The following TRAPPC8 variants were observed in gnomAD, a reference collection of about 807,000 sequenced individuals.
The protein encoded by TRAPPC8 is general sporulation gene 1 homolog.
In TRAPPC8, 54 loss-of-function variants were observed where a neutral mutation model predicts 174.3. The observed-to-expected ratio is 0.31, with a 90% CI of 0.25 to 0.39. TRAPPC8 has a LOEUF of 0.39. TRAPPC8 is among the 10% of genes least tolerant of loss of function. The pLI is 1.00. For missense variants in TRAPPC8, 1,531 were observed against 1,699.1 expected, an observed-to-expected ratio of 0.90 and a Z score of 1.74; for synonymous variants, 630 against 579.9, an observed-to-expected ratio of 1.09 and a Z score of -1.24.
chr18:31,909,906 A>C (rs1445356350), intron 5 of TRAPPC8, 146 bp from the exon 6 acceptor site: 1 of 531,932 alleles, frequency 1.9e-6, no homozygotes, highest in Non-Finnish European at 3.2e-6. Context: ...CTCCAAATTC[A>C]TAACTTCTTC....
intron 3 of TRAPPC8, 39 bp downstream of exon 3, chr18:31,917,539 A>G (rs775714956): frequency 3.2e-6 from 5 of 1,549,570 alleles, no homozygotes; most frequent in Non-Finnish European, 4.4e-6. Flanking sequence ...TAACTTCCAT[A>G]ATATTTGATT....
chr18:31,899,609 A>C (rs2036327660), intron 10 of TRAPPC8, among the ~76,000 whole-genome samples: 1 of 152,140 alleles, frequency 6.6e-6, no homozygotes, highest in Non-Finnish European at 1.5e-5. Flanking sequence ...ATATTCGGTA[A>C]TTTTCCATTT....
At chr18:31,895,744 C>A (rs987280462) in intron 11 of TRAPPC8, 3 of 152,176 alleles carry the variant, frequency 2.0e-5, no homozygotes, top group African/African-American at 7.2e-5. Context: ...ACATTCAAAT[C>A]CAAGTTAAGA....
intron 2 of TRAPPC8, 130 bp downstream of exon 2, chr18:31,931,199 C>T: frequency 1.3e-6 from 1 of 757,760 alleles, no homozygotes; most frequent in Non-Finnish European, 1.9e-6. Context: ...CTGTTTTCAA[C>T]ATTGTATTCT....
At position 31,857,938 on chromosome 18, in the gene TRAPPC8, G is replaced by C. The variant is rs1202936970; in HGVS notation, c.2790C>G (p.Ile930Met). The C allele has an allele frequency of 3.1e-6, 5 of 1,613,856 alleles. No homozygotes were observed. The highest frequency in any genetic ancestry group is 4.2e-6 in the Non-Finnish European group (5 of 1,179,868). The stretch of plus-strand genomic sequence containing the variant: ...TGACAAATTCTACATATGCTTTTCG[G>C]ATTTCTCCACAGAGAAGCCCTGTAG... ...HFPTGLLCGE[I>M]RKAYVEFVNV... The change falls in exon 20 of 29, where the codon ATC becomes ATG. Residue 930 changes from isoleucine to methionine, a missense_variant. Transcript: ENST00000283351.
chr18:31,903,102 T>C (rs989641130), intron 9 of TRAPPC8, among the ~76,000 whole-genome samples: 1 of 101,748 alleles, frequency 9.8e-6, no homozygotes, highest in East Asian at 2.8e-4. Context: ...TGCTTTTTGA[T>C]TGCGCGCGTG....
intron 11 of TRAPPC8, among the ~76,000 whole-genome samples, chr18:31,894,414 C>T (rs764801041): frequency 5.9e-5 from 9 of 152,038 alleles, no homozygotes; most frequent in Non-Finnish European, 1.2e-4. Context: ...AATTTTAATA[C>T]AGTGGTGTAT....
intron 16 of TRAPPC8, 44 bp downstream of exon 16, chr18:31,870,328 G>T: frequency 6.5e-7 from 1 of 1,541,212 alleles, no homozygotes; most frequent in Non-Finnish European, 8.8e-7. Context: ...GCATTTGTTA[G>T]GCTGTAGCTG....
At chr18:31,939,681 C>G (rs2038248305) in intron 1 of TRAPPC8, 1 of 152,174 alleles carries the variant, frequency 6.6e-6, no homozygotes, top group Non-Finnish European at 1.5e-5. Flanking sequence ...AAGGAGAAAC[C>G]CCATCTCTAC....
Position 31,909,718 on chromosome 18 carries a change from T to C in TRAPPC8, c.814A>G (p.Asn272Asp), listed in dbSNP as rs2036828368. 1 of 1,602,196 alleles carries C rather than the reference T, an allele frequency of 6.2e-7. No homozygotes were observed. Among genetic ancestry groups the C allele is most frequent in the East Asian group, 2.2e-5 (1 of 44,542 alleles). The change falls in exon 6 of 29, where the codon AAT becomes GAT. Residue 272 changes from asparagine (N) to aspartate (D), a missense_variant. Coordinates refer to ENST00000283351, the MANE Select transcript of TRAPPC8 (RefSeq NM_014939.5). ...DGPCTITSNK[N>D]SDNNLLSLDG... ...AATGAAAGCAAGTTATTATCAGAAT[T>C]CTTATTTGAAGTTATAGTACAAGGG...
intron 1 of TRAPPC8, among the ~76,000 whole-genome samples, chr18:31,936,046 A>G (rs534662844): frequency 6.6e-6 from 1 of 150,950 alleles, no homozygotes; most frequent in Admixed American, 6.6e-5. Context: ...ACAAGACCCC[A>G]TCTCTATAAA....
chr18:31,901,160 T>A, intron 9 of TRAPPC8, 135 bp from the exon 10 acceptor site: 1 of 656,584 alleles, frequency 1.5e-6, no homozygotes, highest in Non-Finnish European at 2.4e-6. Context: ...CATAGCCTAA[T>A]GCAGACTTGA....
At chr18:31,921,898 T>C (rs568430924) in intron 2 of TRAPPC8, among the ~76,000 whole-genome samples, 17 of 152,280 alleles carry the variant, frequency 1.1e-4, no homozygotes, top group Admixed American at 7.2e-4. Flanking sequence ...TGCCTGAAAA[T>C]TGAATAAAAT....
chr18:31,886,247 G>A (rs2035706916), intron 12 of TRAPPC8, among the ~76,000 whole-genome samples: 1 of 149,168 alleles, frequency 6.7e-6, no homozygotes, highest in East Asian at 2.1e-4. Flanking sequence ...GACCTCAGGT[G>A]ATCAGCCCAC....
chr18:31,927,823 T>C (rs748408729), intron 2 of TRAPPC8, among the ~76,000 whole-genome samples: 2 of 152,104 alleles, frequency 1.3e-5, no homozygotes, highest in Non-Finnish European at 2.9e-5. Flanking sequence ...CTTTGAGAGG[T>C]GGCTGCTTGA....
chr18:31,835,658 C>T (rs149797632), intron 27 of TRAPPC8, among the ~76,000 whole-genome samples: 1 of 152,336 alleles, frequency 6.6e-6, no homozygotes, highest in East Asian at 1.9e-4. Flanking sequence ...GACACCCAGT[C>T]ACTTGATCCT....
chr18:31,915,248 C>A (rs947108265), intron 4 of TRAPPC8, among the ~76,000 whole-genome samples: 4 of 148,818 alleles, frequency 2.7e-5, no homozygotes, highest in African/African-American at 1.0e-4. Context: ...GCGGGCAGAT[C>A]ACCTGAGTTC....
chr18:31,873,724 A>T, intron 13 of TRAPPC8, 186 bp from the exon 14 acceptor site: 1 of 464,526 alleles, frequency 2.2e-6, no homozygotes. Flanking sequence ...TCAGATATTT[A>T]TTCTGCCTCA....
At position 31,874,134 on chromosome 18, in the gene TRAPPC8, T is replaced by C. The variant is rs188503702; in HGVS notation, c.1953+346A>G. ...ACATAGAATGTCCATCTCCAAAGGATGGTAAAGAGAACCCACTTAAAACCA... is the reference window on the plus strand; with the variant it reads ...ACATAGAATGTCCATCTCCAAAGGACGGTAAAGAGAACCCACTTAAAACCA... On this transcript the variant is annotated intron_variant, in intron 13 of 28. Transcript: ENST00000283351. The C allele has an allele frequency of 4.1e-5, 13 of 319,696 alleles. No homozygotes were observed. The East Asian group carries it at 6.5e-4, about 16-fold the overall frequency. The allele number at this position is 319,696 out of a possible 1,614,324, so 19.8% of individuals were successfully genotyped here.
Sources: gnomAD v4.1 joint callset for allele counts (sites outside exome capture counted in the v4.1 genomes callset) on GRCh38, gnomAD v4.1.1 for gene constraint, MANE v1.5 for transcripts, NCBI Gene and HGNC (gene_info 2026-07-23, HGNC 2026-07-21) for gene names.